Variants in ZC3H12B observed in about 807,000 individuals in gnomAD.
ZC3H12B encodes the protein zinc finger CCCH-type containing 12B, also known as probable ribonuclease ZC3H12B.
A neutral mutation model predicts 43.9 loss-of-function variants in ZC3H12B; 7 were observed. The observed-to-expected ratio is 0.16, with a 90% confidence interval of 0.09 to 0.30. The LOEUF (loss-of-function observed/expected upper bound fraction) is 0.30. Among genes scored for constraint, ZC3H12B ranks in the 10% least tolerant of loss-of-function variants. ZC3H12B has a pLI of 1.00. For synonymous variants in ZC3H12B, 222 were observed against 241.7 expected, an observed-to-expected ratio of 0.92 and a Z score of 0.76; for missense variants, 475 against 670.2, an observed-to-expected ratio of 0.71 and a Z score of 3.22.
chrX:65,159,092 G>T, the ZC3H12B span, among the ~76,000 whole-genome samples: 3 of 111,561 alleles, frequency 2.7e-5, no homozygotes, highest in African/African-American at 6.5e-5. Flanking sequence ...TAGATATGCG[G>T]CATTATTTCT....
the ZC3H12B span, among the ~76,000 whole-genome samples, chrX:65,156,016 G>A: frequency 9.1e-6 from 1 of 109,834 alleles, no homozygotes; most frequent in African/African-American, 3.3e-5. Flanking sequence ...AAAAATTATT[G>A]AATAATTAGT....
chrX:65,207,157 G>T, the ZC3H12B span, among the ~76,000 whole-genome samples: 2 of 108,218 alleles, frequency 1.8e-5, no homozygotes, highest in Non-Finnish European at 3.8e-5. Flanking sequence ...TCACTACTGG[G>T]TTTCTACTTA....
At chrX:65,075,572 G>A in the ZC3H12B span, among the ~76,000 whole-genome samples, 1 of 112,218 alleles carries the variant, frequency 8.9e-6, no homozygotes, top group Non-Finnish European at 1.9e-5. Context: ...AAGACAGAAT[G>A]TGGGACACAT....
chrX:65,314,352 T>A, the ZC3H12B span, among the ~76,000 whole-genome samples: 2 of 111,535 alleles, frequency 1.8e-5, no homozygotes, highest in African/African-American at 6.5e-5. Context: ...CCGGACACAT[T>A]ACAATGAAAA....
chrX:65,343,566 A>T, the ZC3H12B span, among the ~76,000 whole-genome samples: 2 of 112,404 alleles, frequency 1.8e-5, no homozygotes, highest in African/African-American at 6.5e-5. Context: ...ACAGAACTAA[A>T]GACAAAAGCC....
chrX:65,458,085 T>TAAAAAAAAAAAAAAAAGAAAAAAAA (rs2067661058), intron 3 of ZC3H12B, among the ~76,000 whole-genome samples: 1 of 49,083 alleles, frequency 2.0e-5, no homozygotes, highest in Non-Finnish European at 3.8e-5. Flanking sequence ...AAAAAAAAAT[T>TAAAAAAAAAAAAAAAAGAAAAAAAA]AAAAAAAAAA....
At chrX:65,438,620 T>C (rs976642255) in intron 3 of ZC3H12B, among the ~76,000 whole-genome samples, 3 of 112,787 alleles carry the variant, frequency 2.7e-5, no homozygotes, top group Non-Finnish European at 5.6e-5. Flanking sequence ...AGCAAACCAG[T>C]CATTAGCATT....
rs748151191 is a variant in ZC3H12B, at chrX:65,448,549, G to T, written n.408-40097G>T. Among the ~76,000 whole-genome samples the T allele has an allele frequency of 3.6e-5, 4 of 111,881 alleles. No homozygotes were observed. In the East Asian group the frequency reaches 1.1e-3, roughly 31 times the overall value. ...AGAAGATGTGGGACCGGGCACTGTG[G>T]CTCATGCCTGTAATCTCAGCACTTT... On this transcript the variant is annotated intron_variant and non_coding_transcript_variant, in intron 3 of 5. Transcript: ENST00000617377.
At chrX:65,448,985 G>T (rs1312325143) in intron 3 of ZC3H12B, among the ~76,000 whole-genome samples, 3 of 91,969 alleles carry the variant, frequency 3.3e-5, no homozygotes, top group Non-Finnish European at 6.3e-5. Flanking sequence ...GAAAGAGAAA[G>T]AAAGAAAGAG....
At chrX:65,459,692 T>G (rs187273171) in intron 3 of ZC3H12B, among the ~76,000 whole-genome samples, 1 of 111,749 alleles carries the variant, frequency 8.9e-6, no homozygotes, top group Non-Finnish European at 1.9e-5. Context: ...AAATTAGGTA[T>G]TGATGGGACT....
chrX:65,458,507 G>A (rs780931749), intron 3 of ZC3H12B, among the ~76,000 whole-genome samples: 2 of 111,910 alleles, frequency 1.8e-5, no homozygotes, highest in Admixed American at 9.5e-5. Context: ...ACAACAAACT[G>A]TCTCTCAGAC....
chrX:65,437,980 T>C (rs1470542176), intron 3 of ZC3H12B, among the ~76,000 whole-genome samples: 1 of 112,485 alleles, frequency 8.9e-6, no homozygotes, highest in Admixed American at 9.4e-5. Flanking sequence ...TCCCAGTACC[T>C]CTTATTGAAG....
chrX:65,238,140 G>A, the ZC3H12B span, among the ~76,000 whole-genome samples: 1 of 111,160 alleles, frequency 9.0e-6, no homozygotes, highest in Non-Finnish European at 1.9e-5. Flanking sequence ...GTCCCTCCTC[G>A]ATTTTTTGGA....
At chrX:65,384,597 A>G (rs1239946293) in intron 2 of ZC3H12B, among the ~76,000 whole-genome samples, 2 of 111,730 alleles carry the variant, frequency 1.8e-5, no homozygotes, top group Non-Finnish European at 1.9e-5. Context: ...AACTATTGCT[A>G]TAGTTTAAAA....
the ZC3H12B span, among the ~76,000 whole-genome samples, chrX:65,164,743 A>T: frequency 1.4e-4 from 16 of 111,801 alleles, no homozygotes; most frequent in African/African-American, 5.2e-4. Context: ...TATCATAAAG[A>T]GTTTTCAGAT....
At chrX:65,038,899 A>G in the ZC3H12B span, among the ~76,000 whole-genome samples, 1 of 111,636 alleles carries the variant, frequency 9.0e-6, no homozygotes, top group African/African-American at 3.2e-5. Context: ...ATATCATTGG[A>G]CTAAAAATTT....
the ZC3H12B span, among the ~76,000 whole-genome samples, chrX:65,357,848 A>G: frequency 9.0e-6 from 1 of 111,453 alleles, no homozygotes; most frequent in South Asian, 3.7e-4. Context: ...AACAATATTA[A>G]CCTTAAGTGT....
the ZC3H12B span, among the ~76,000 whole-genome samples, chrX:65,115,777 A>G: frequency 1.8e-5 from 2 of 111,402 alleles, no homozygotes; most frequent in African/African-American, 6.5e-5. Context: ...TCACATTGTG[A>G]TTTCGATTTG....
chrX:65,063,455 A>G, the ZC3H12B span, among the ~76,000 whole-genome samples: 6 of 112,107 alleles, frequency 5.4e-5, no homozygotes, highest in Non-Finnish European at 1.1e-4. Flanking sequence ...TATGTGATGG[A>G]TTATGTTTAC....
Sources: gnomAD v4.1 joint callset for allele counts (sites outside exome capture counted in the v4.1 genomes callset) on GRCh38, gnomAD v4.1.1 for gene constraint, MANE v1.5 for transcripts, NCBI Gene and HGNC (gene_info 2026-07-23, HGNC 2026-07-21) for gene names.